Variants in LRRC71 observed in about 807,000 individuals in gnomAD.
The protein encoded by LRRC71 is leucine rich repeat containing 71, also known as leucine-rich repeat-containing protein 71.
LRRC71 carries 54 observed loss-of-function variants against 66.6 expected under a neutral mutation model. The ratio of observed to expected loss-of-function variants is 0.81; its 90% CI spans 0.65 to 1.02. The LOEUF is 1.02. LRRC71 is among the 50% of genes least tolerant of loss of function. LRRC71 has a pLI of 0.00. For synonymous variants in LRRC71, 323 were observed against 303.9 expected, an observed-to-expected ratio of 1.06 and a Z score of -0.65; for missense variants, 724 against 718.0, an observed-to-expected ratio of 1.01 and a Z score of -0.10.
intron 1 of LRRC71, 136 bp from the exon 2 acceptor site, chr1:156,923,813 C>T: frequency 1.1e-6 from 1 of 893,898 alleles, no homozygotes; most frequent in Non-Finnish European, 1.6e-6. Context: ...TTTCAGCGTC[C>T]GTACTTCCAA....
In LRRC71 at chr1:156,927,409, G is replaced by A. The variant is rs1049679047; in HGVS notation, c.663-87G>A. 1.0e-4 allele frequency: 158 copies of A among 1,507,242 alleles called. 1 individual carries two copies. Among genetic ancestry groups the A allele is most frequent in the Non-Finnish European group, 1.2e-4 (140 of 1,122,414 alleles). 93.4% of individuals were successfully genotyped at this position (1,507,242 alleles called of 1,614,324 possible). ...TGCCCCTACATCCTCAGACCAGACC[G>A]CCCCCTCAAGCGCTCAAGTCTCCCA... is the stretch of plus-strand genomic sequence containing the variant. On this transcript the variant is annotated intron_variant, in intron 6 of 14. Transcript: ENST00000337428.
downstream of LRRC71, chr1:156,937,156 G>C: frequency 6.3e-7 from 1 of 1,585,982 alleles, no homozygotes; most frequent in South Asian, 1.2e-5. Flanking sequence ...ACAGGATCTA[G>C]GGCTCCCGCG....
chr1:156,935,887 T>A (rs1342135687), downstream of LRRC71: 7 of 1,260,938 alleles, frequency 5.6e-6, no homozygotes, highest in Non-Finnish European at 7.7e-6. Context: ...CTAGTTTCCC[T>A]AACTGCCTCC....
rs1471375045 is a variant in LRRC71, at chr1:156,927,520, C to G, written c.687C>G (p.Asn229Lys). The change falls in exon 7 of 15, where the codon AAC (asparagine) becomes AAG (lysine). Residue 229 changes from asparagine to lysine, a missense_variant. Asn to Lys is a moderately conservative substitution (Grantham distance 94, BLOSUM62 0). Transcript: ENST00000337428. ...DSTIAHLSLR[N>K]NNIDDRGAQL... Reference sequence around the variant, plus strand: ...GGATTGCGCACTTGTCTCTGCGGAACAATAACATCGACGACCGCGGGGCGC... The same window carrying G: ...GGATTGCGCACTTGTCTCTGCGGAAGAATAACATCGACGACCGCGGGGCGC... The G allele has an allele frequency of 6.5e-7, 1 of 1,546,364 alleles. No individual in the cohort carries two copies. Among genetic ancestry groups the G allele is most frequent in the Non-Finnish European group, 8.7e-7 (1 of 1,147,666 alleles).
At chr1:156,930,060 T>TTCTC (rs746194831) in intron 11 of LRRC71, among the ~76,000 whole-genome samples, 2,743 of 126,210 alleles carry the variant, frequency 0.022, 59 homozygotes, top group South Asian at 0.056. Context: ...CTTTCTTTCT[T>TTCTC]TTTCTTTCTT....
chr1:156,932,069 C>T (rs1010384857), intron 13 of LRRC71, 42 bp downstream of exon 13: 8 of 1,488,496 alleles, frequency 5.4e-6, no homozygotes, highest in Admixed American at 3.9e-5. Flanking sequence ...CATGAGGCTA[C>T]CCGGGCCCTG....
chr1:156,940,101 C>T, the LRRC71 span: 1 of 1,428,422 alleles, frequency 7.0e-7, no homozygotes, highest in Non-Finnish European at 9.4e-7. Flanking sequence ...TCCTCAAGCA[C>T]ACCAGGAAGA....
intron 14 of LRRC71, 35 bp downstream of exon 14, chr1:156,932,580 C>A (rs746185801): frequency 4.3e-6 from 7 of 1,613,962 alleles, no homozygotes; most frequent in Non-Finnish European, 5.9e-6. Flanking sequence ...CTGAAGCAGA[C>A]GTTGCCCCTA....
intron 14 of LRRC71, 68 bp downstream of exon 14, chr1:156,932,613 G>A (rs775501887): frequency 1.2e-6 from 2 of 1,613,658 alleles, no homozygotes; most frequent in East Asian, 2.2e-5. Flanking sequence ...CTAGACAGCT[G>A]CTGCAGGCAG....
intron 12 of LRRC71, 66 bp downstream of exon 12, chr1:156,930,683 C>T: frequency 7.0e-7 from 1 of 1,419,552 alleles, no homozygotes; most frequent in East Asian, 2.5e-5. Flanking sequence ...CCTGAGACGT[C>T]TCACCCCAGC....
At chr1:156,936,505 T>TATAC (rs1655330466), downstream of LRRC71, among the ~76,000 whole-genome samples, 1 of 115,518 alleles carries the variant, frequency 8.7e-6, no homozygotes, top group Non-Finnish European at 1.6e-5. Context: ...AAAATATATA[T>TATAC]ATATATATAT....
In LRRC71 at chr1:156,927,961, G is replaced by A. The variant is rs1653496593; in HGVS notation, c.953G>A (p.Arg318Gln). The change falls in exon 9 of 15, where the codon CGA becomes CAA. Residue 318 changes from arginine (R) to glutamine (Q), a missense_variant. Transcript: ENST00000337428. Reference protein sequence around the residue: ...ELTHTEVVERRRLLLEKGTQE... With the variant: ...ELTHTEVVERQRLLLEKGTQE... ...ACACACACCGAAGTGGTGGAGCGCC[G>A]ACGCCTCCTGCTGGAAAAAGGGACA... 1 of 1,611,014 alleles carries A rather than the reference G, an allele frequency of 6.2e-7. No homozygotes were observed.
intron 12 of LRRC71, 30 bp from the exon 13 acceptor site, chr1:156,931,886 T>C (rs1654419347): frequency 6.6e-7 from 1 of 1,516,086 alleles, no homozygotes; most frequent in Non-Finnish European, 9.0e-7. Flanking sequence ...TCCCCTGCTG[T>C]CTGCTGCAAT....
chr1:156,933,261 T>C (rs1313380139), downstream of LRRC71, among the ~76,000 whole-genome samples: 1 of 152,230 alleles, frequency 6.6e-6, no homozygotes, highest in Non-Finnish European at 1.5e-5. Flanking sequence ...TTCTGCCTCC[T>C]GGGGGCTAGT....
In LRRC71 at chr1:156,928,363, C is replaced by CTTCTTCTTCT. The variant is rs1653584959; in HGVS notation, c.996+360_996+361insTCTTCTTCTT. On this transcript the variant is annotated intron_variant, in intron 9 of 14. Transcript: ENST00000337428. ...TTCTTCTTTCTTTCTCTTCTTCTTC[C>CTTCTTCTTCT]TCTTCTTCTTCTTCTTCTTCTTCTT... is the stretch of plus-strand genomic sequence containing the variant. Among the ~76,000 whole-genome samples the CTTCTTCTTCT allele has an allele frequency of 3.7e-3, 364 of 98,822 alleles. 8 individuals are homozygous for CTTCTTCTTCT. Among genetic ancestry groups the CTTCTTCTTCT allele is most frequent in the African/African-American group, 0.018 (341 of 18,776 alleles). The allele number at this position is 98,822 out of a possible 152,430, so 64.8% of individuals were successfully genotyped here. A position where few individuals can be genotyped will look rare whatever the true frequency, so the allele number is the denominator to read the frequency against.
rs1010654278 is a variant in LRRC71, at chr1:156,927,218, G to A, written c.610G>A (p.Gly204Arg). 1 of 1,613,270 alleles carries A rather than the reference G, an allele frequency of 6.2e-7. No homozygotes were observed. The highest frequency in any genetic ancestry group is 1.7e-5 in the Admixed American group (1 of 59,958). ...SSTLRKVSLE[G>R]NPLPEQSYHK... ...TGCCCTCAGGAAGGTGTCTCTGGAG[G>A]GGAACCCACTGCCGGAGCAGTCCTA... The change falls in exon 6 of 15, where the codon GGG becomes AGG. Residue 204 changes from glycine (G) to arginine (R), a missense_variant. Physicochemically the swap from Gly to Arg is moderately radical, Grantham distance 125. Coordinates refer to ENST00000337428, the MANE Select transcript of LRRC71 (RefSeq NM_144702.3).
chr1:156,938,818 G>A, the LRRC71 span: 1 of 393,498 alleles, frequency 2.5e-6, no homozygotes, highest in Middle Eastern at 6.7e-4. Context: ...GGGGAGGGCA[G>A]GCCCACTAGC....
At chr1:156,939,466 G>C in the LRRC71 span, 1 of 1,587,062 alleles carries the variant, frequency 6.3e-7, no homozygotes, top group African/African-American at 1.3e-5. Flanking sequence ...GGGGAGTATA[G>C]GGAAGGAAGC....
At chr1:156,928,479 T>TTCC (rs1351376017) in intron 9 of LRRC71, among the ~76,000 whole-genome samples, 33 of 126,586 alleles carry the variant, frequency 2.6e-4, no homozygotes, top group Admixed American at 2.3e-4. Flanking sequence ...CTTCTTCCTC[T>TTCC]TCCTCCTCCT....
Sources: gnomAD v4.1 joint callset for allele counts (sites outside exome capture counted in the v4.1 genomes callset) on GRCh38, gnomAD v4.1.1 for gene constraint, MANE v1.5 for transcripts, NCBI Gene and HGNC (gene_info 2026-07-23, HGNC 2026-07-21) for gene names.